Variants in CCSER1 observed in about 807,000 individuals in gnomAD.
The protein encoded by CCSER1 is serine-rich coiled-coil domain-containing protein 1.
Under a neutral mutation model 82.0 loss-of-function variants are expected in CCSER1, and 41 were observed. The ratio of observed to expected loss-of-function variants is 0.50; its 90% CI spans 0.39 to 0.65. The LOEUF is 0.65. CCSER1 is among the 30% of genes least tolerant of loss of function. The pLI, the probability that CCSER1 is intolerant of heterozygous loss-of-function variation, is 0.00. For missense variants in CCSER1, 1,119 were observed against 1,064.2 expected (o/e 1.05, Z -0.72); for synonymous variants, 414 against 383.9 (o/e 1.08, Z -0.92).
chr4:91,550,850 T>A (rs1173971992), intron 10 of CCSER1, among the ~76,000 whole-genome samples: 1 of 152,156 alleles, frequency 6.6e-6, no homozygotes, highest in African/African-American at 2.4e-5. Context: ...CAAACTTCCA[T>A]CTCCAGTTCT....
chr4:91,397,887 T>G (rs946568428), intron 10 of CCSER1, among the ~76,000 whole-genome samples: 6 of 151,978 alleles, frequency 3.9e-5, no homozygotes, highest in African/African-American at 1.2e-4. Flanking sequence ...TTGGTGTGGC[T>G]GGGGCATACT....
chr4:91,146,074 T>G (rs1729504650), intron 10 of CCSER1, among the ~76,000 whole-genome samples: 1 of 152,200 alleles, frequency 6.6e-6, no homozygotes, highest in Non-Finnish European at 1.5e-5. Context: ...ATCATAGATT[T>G]GGTCTCTCTG....
In CCSER1 at chr4:91,232,865, G is replaced by A. The variant is rs550572510; in HGVS notation, c.2217+146871G>A. 6.6e-5 allele frequency among the ~76,000 whole-genome samples: 10 copies of A among 151,808 alleles called. No homozygotes were observed. In the South Asian group the frequency reaches 1.0e-3, roughly 16 times the overall value. ...AAAATTGAGGTAAAACTCTATTACCGATATGGGGAAAAAATTAAGATGCAG... is the reference window on the plus strand; with the variant it reads ...AAAATTGAGGTAAAACTCTATTACCAATATGGGGAAAAAATTAAGATGCAG... On this transcript the variant is annotated intron_variant, in intron 10 of 10. Coordinates refer to ENST00000509176, the MANE Select transcript of CCSER1 (RefSeq NM_001145065.2).
intron 9 of CCSER1, among the ~76,000 whole-genome samples, chr4:90,971,821 A>G (rs2150400433): frequency 6.6e-6 from 1 of 152,082 alleles, no homozygotes; most frequent in East Asian, 1.9e-4. Context: ...GTGGGATTTA[A>G]CCATGGGATG....
rs1212640952 is a variant in CCSER1 at position 91,401,437 on chromosome 4, T to C, written c.2218-197135T>C. On this transcript the variant is annotated intron_variant, in intron 10 of 10. Coordinates refer to ENST00000509176, the MANE Select transcript of CCSER1 (RefSeq NM_001145065.2). ...ATTATACTTTAAGTTCTAGGGTACA[T>C]GTGCACAACGTGCAGGTTTGTTACA... Among the ~76,000 whole-genome samples, 5 of 151,086 alleles carry C rather than the reference T, an allele frequency of 3.3e-5. No homozygotes were observed. In the East Asian group the frequency reaches 9.7e-4, roughly 29 times the overall value.
rs115214212 is a variant in CCSER1 at position 90,754,674 on chromosome 4, A to G, written c.2010+30683A>G. Among the ~76,000 whole-genome samples the G allele has an allele frequency of 3.1e-3, 476 of 152,194 alleles. 1 individual carries two copies. Among genetic ancestry groups the G allele is most frequent in the African/African-American group, 0.011 (441 of 41,542 alleles). On this transcript the variant is annotated intron_variant, in intron 7 of 10. Coordinates refer to ENST00000509176, the MANE Select transcript of CCSER1 (RefSeq NM_001145065.2). ...AAACAGTGTCCTCTTGTATATACCC[A>G]TTTCTTCCCTTAACTACATCAAATC...
intron 5 of CCSER1, among the ~76,000 whole-genome samples, chr4:90,514,136 G>A (rs1156496091): frequency 1.3e-5 from 2 of 152,020 alleles, no homozygotes; most frequent in Non-Finnish European, 2.9e-5. Flanking sequence ...AGAATGAAAT[G>A]GTTTTAGAAA....
intron 8 of CCSER1, among the ~76,000 whole-genome samples, chr4:90,825,348 A>G (rs1760272485): frequency 6.6e-6 from 1 of 152,232 alleles, no homozygotes; most frequent in Non-Finnish European, 1.5e-5. Context: ...AAGCTATGTC[A>G]TACAATTTAC....
chr4:90,857,405 C>T (rs1379683357), intron 8 of CCSER1, among the ~76,000 whole-genome samples: 3 of 152,036 alleles, frequency 2.0e-5, no homozygotes, highest in Non-Finnish European at 2.9e-5. Flanking sequence ...CAGCTTATTT[C>T]CTCTAAGGGA....
At chr4:90,194,937 T>G (rs1736320746) in intron 1 of CCSER1, among the ~76,000 whole-genome samples, 1 of 152,052 alleles carries the variant, frequency 6.6e-6, no homozygotes, top group Admixed American at 6.6e-5. Context: ...GTTTCAGAAA[T>G]ATAGAAAATG....
rs376769760 is a variant in CCSER1 at position 91,488,854 on chromosome 4, C to T, written c.2218-109718C>T. Among the ~76,000 whole-genome samples, 5 of 152,170 alleles carry T rather than the reference C, an allele frequency of 3.3e-5. No homozygotes were observed. In the East Asian group the frequency reaches 5.8e-4, roughly 18 times the overall value. ...AACAGTGAAATAAACAAAGCCCCTG[C>T]GGTCATAGACTGTACTGCATTGTAG... is the stretch of plus-strand genomic sequence containing the variant. On this transcript the variant is annotated intron_variant, in intron 10 of 10. Transcript: ENST00000509176.
intron 8 of CCSER1, among the ~76,000 whole-genome samples, chr4:90,831,400 A>G (rs770771217): frequency 6.6e-6 from 1 of 152,178 alleles, no homozygotes; most frequent in South Asian, 2.1e-4. Context: ...GTATCATTAT[A>G]TAATTTCTAT....
intron 10 of CCSER1, among the ~76,000 whole-genome samples, chr4:91,287,720 T>C (rs778385214): frequency 2.0e-5 from 3 of 151,884 alleles, no homozygotes; most frequent in Non-Finnish European, 4.4e-5. Flanking sequence ...GAAGGTAGGC[T>C]TCAGTCAGAG....
intron 6 of CCSER1, among the ~76,000 whole-genome samples, chr4:90,722,560 C>CTGGTTTTGA (rs1742857540): frequency 6.6e-6 from 1 of 151,806 alleles, no homozygotes; most frequent in Non-Finnish European, 1.5e-5. Context: ...AAATTAAAGT[C>CTGGTTTTGA]AATAACTAAC....
intron 10 of CCSER1, among the ~76,000 whole-genome samples, chr4:91,553,954 TTTAC>T (rs1241111996): frequency 1.3e-5 from 2 of 151,266 alleles, no homozygotes; most frequent in African/African-American, 4.9e-5. Context: ...GTTTTTTCTT[TTTAC>T]TTAATGTGTA....
chr4:90,480,319 C>G (rs1349413792), intron 5 of CCSER1, among the ~76,000 whole-genome samples: 1 of 152,128 alleles, frequency 6.6e-6, no homozygotes, highest in African/African-American at 2.4e-5. Context: ...TTCTCCCATT[C>G]TGTAGGTTGC....
intron 1 of CCSER1, among the ~76,000 whole-genome samples, chr4:90,152,150 C>T (rs1404354501): frequency 6.6e-6 from 1 of 152,130 alleles, no homozygotes; most frequent in Non-Finnish European, 1.5e-5. Context: ...TGAGCACAGA[C>T]ACAGTTCATT....
At position 91,371,204 on chromosome 4, in the gene CCSER1, T is replaced by C. The variant is rs550363354; in HGVS notation, c.2218-227368T>C. ...TAATGTGCAATAAATTATTATTGAC[T>C]GTAATCACTCTGTTGTGCTATCTAA... is the stretch of plus-strand genomic sequence containing the variant. On this transcript the variant is annotated intron_variant, in intron 10 of 10. Transcript: ENST00000509176. Among the ~76,000 whole-genome samples the C allele has an allele frequency of 2.6e-5, 4 of 152,210 alleles. No homozygotes were observed. In the South Asian group the frequency reaches 8.3e-4, roughly 32 times the overall value.
At chr4:90,306,418 A>G (rs1438970837) in intron 1 of CCSER1, among the ~76,000 whole-genome samples, 1 of 152,204 alleles carries the variant, frequency 6.6e-6, no homozygotes, top group Non-Finnish European at 1.5e-5. Flanking sequence ...TAATATAAAA[A>G]TATCAAAACA....
Sources: allele counts gnomAD v4.1 joint callset (sites outside exome capture counted in the v4.1 genomes callset), GRCh38; gene constraint gnomAD v4.1.1; transcripts MANE v1.5; gene names NCBI Gene and HGNC (gene_info 2026-07-23, HGNC 2026-07-21).